ECHDC2: variants seen among roughly 807,000 people sequenced by gnomAD.
The protein encoded by ECHDC2 is enoyl-CoA hydratase domain containing 2.
ECHDC2 carries 34 observed loss-of-function variants against 40.6 expected under a neutral mutation model. That is an observed-to-expected ratio of 0.84 (90% CI 0.64 to 1.11). The LOEUF is 1.11. ECHDC2 is among the 50% of genes most tolerant of loss of function. The probability of loss-of-function intolerance (pLI) is 0.00; values close to 1 mark genes in which losing one functional copy is unlikely to be tolerated. For synonymous variants in ECHDC2, 162 were observed against 166.6 expected (o/e 0.97, Z 0.21); for missense variants, 392 against 400.7 (o/e 0.98, Z 0.19).
rs376597474 is a variant in ECHDC2, at chr1:52,911,672, T to A, written c.190-19A>T. 11 of 1,614,168 alleles carry A rather than the reference T, an allele frequency of 6.8e-6. No individual in the cohort carries two copies. The highest frequency in any genetic ancestry group is 9.3e-6 in the Non-Finnish European group (11 of 1,180,022). ...CCAGCAGCTACAGAGGACACCCAGT[T>A]AGATAGTGCCAGCCCATCCCCAGCC... On this transcript the variant is annotated intron_variant, in intron 2 of 9. Transcript: ENST00000371522.
intron 5 of ECHDC2, 60 bp from the exon 6 acceptor site, chr1:52,905,150 C>T (rs959015175): frequency 5.7e-6 from 9 of 1,575,264 alleles, no homozygotes; most frequent in African/African-American, 4.1e-5. Context: ...GTGCTAATCC[C>T]GGGGGCCACA....
At chr1:52,907,049 GGGATTACA>G (rs1301318241) in intron 4 of ECHDC2, 2 of 150,450 alleles carry the variant, frequency 1.3e-5, no homozygotes, top group Non-Finnish European at 2.9e-5. Context: ...CCAAACTGCT[GGGATTACA>G]GGAATGAGCC....
chr1:52,897,780 C>A, intron 8 of ECHDC2: 1 of 513,536 alleles, frequency 1.9e-6, no homozygotes. Context: ...CTGGCAATTG[C>A]TCCAGCCTCT....
intron 7 of ECHDC2, among the ~76,000 whole-genome samples, chr1:52,903,696 T>TAG (rs1488141972): frequency 6.6e-6 from 1 of 151,872 alleles, no homozygotes; most frequent in Non-Finnish European, 1.5e-5. Flanking sequence ...GCCCAGGAGT[T>TAG]TAAAACTGCA....
Position 52,896,244 on chromosome 1 carries a change from C to T in ECHDC2, c.*276G>A, listed in dbSNP as rs947739760. 6 of 418,154 alleles carry T rather than the reference C, an allele frequency of 1.4e-5. No individual in the cohort carries two copies. Among genetic ancestry groups the T allele is most frequent in the Non-Finnish European group, 2.2e-5 (5 of 223,506 alleles). The allele number at this position is 418,154 out of a possible 1,614,324, so 25.9% of individuals were successfully genotyped here. ...AGACTCAGAGAGATCTAATTTAATT[C>T]TTTATCATTCAAGTAGAGAGACAGG... On this transcript the variant is annotated 3_prime_UTR_variant, in exon 10 of 10. Transcript: ENST00000371522.
Position 52,911,626 on chromosome 1 carries a change from C to G in ECHDC2, c.217G>C (p.Glu73Gln), listed in dbSNP as rs1361303298. ...ELLETLAQLREDRQVRVLLFR... is the reference protein window; with the variant it reads ...ELLETLAQLRQDRQVRVLLFR... ...AGCAGGACACGCACTTGCCGGTCCTCCCGCAGCTGGGCCAGAGTTTCCAGC... is the reference window on the plus strand; with the variant it reads ...AGCAGGACACGCACTTGCCGGTCCTGCCGCAGCTGGGCCAGAGTTTCCAGC... Residue 73 changes from glutamate to glutamine, a missense_variant, in exon 3 of 10, where the codon GAG (glutamate) becomes CAG (glutamine). By Grantham distance (29) the Glu-to-Gln change is conservative. Coordinates refer to ENST00000371522, the MANE Select transcript of ECHDC2 (RefSeq NM_001198961.2). 2 of 1,614,092 alleles carry G rather than the reference C, an allele frequency of 1.2e-6. No individual in the cohort carries two copies. The highest frequency in any genetic ancestry group is 1.7e-6 in the Non-Finnish European group (2 of 1,180,038).
chr1:52,900,349 C>T (rs1571913841), intron 7 of ECHDC2: 1 of 152,208 alleles, frequency 6.6e-6, no homozygotes, highest in Non-Finnish European at 1.5e-5. Flanking sequence ...TGCTGGTGTG[C>T]CTTTATAAAA....
intron 1 of ECHDC2, among the ~76,000 whole-genome samples, chr1:52,918,696 G>GA (rs1468927883): frequency 1.3e-5 from 2 of 152,136 alleles, no homozygotes; most frequent in Non-Finnish European, 2.9e-5. Context: ...GTCAAAAGTT[G>GA]AAAAAATTAA....
chr1:52,899,090 C>A (rs1646820119), intron 8 of ECHDC2, 84 bp downstream of exon 8: 1 of 1,407,986 alleles, frequency 7.1e-7, no homozygotes, highest in Admixed American at 1.7e-5. Flanking sequence ...TTTTTCCCAG[C>A]TGTGCTGTCT....
chr1:52,917,108 A>C (rs182872495), intron 1 of ECHDC2, among the ~76,000 whole-genome samples: 7 of 152,052 alleles, frequency 4.6e-5, no homozygotes, highest in Non-Finnish European at 8.8e-5. Flanking sequence ...CTATAATCCC[A>C]GCTACTTGGG....
intron 1 of ECHDC2, among the ~76,000 whole-genome samples, chr1:52,915,930 C>T (rs1433789805): frequency 3.3e-5 from 5 of 152,176 alleles, no homozygotes; most frequent in Middle Eastern, 3.2e-3. Flanking sequence ...GGACTGCGGG[C>T]AACCTCTAAT....
In ECHDC2 at chr1:52,914,023, G is replaced by A. The variant is rs1463498522; in HGVS notation, c.122-2233C>T. On this transcript the variant is annotated intron_variant, in intron 1 of 9. Transcript: ENST00000371522. The surrounding 1 kb of genome is among the most constrained non-coding windows in gnomAD (Gnocchi z 4.0). ...TTGTACATTTATATATTTGCTGTGT[G>A]CTGGCCTCTACTAGACACCGTGATT... 8.2e-7 allele frequency: 1 copy of A among 1,226,358 alleles called. No homozygotes were observed. The allele number at this position is 1,226,358 out of a possible 1,614,324, so 76.0% of individuals were successfully genotyped here. A position where few individuals can be genotyped will look rare whatever the true frequency, so the allele number is the denominator to read the frequency against.
At chr1:52,917,966 CTTTTTA>C (rs1164155417) in intron 1 of ECHDC2, among the ~76,000 whole-genome samples, 1 of 152,090 alleles carries the variant, frequency 6.6e-6, no homozygotes, top group Non-Finnish European at 1.5e-5. Context: ...TATACTCCTA[CTTTTTA>C]TTTTTAATTT....
chr1:52,915,491 C>G (rs1199613189), intron 1 of ECHDC2, among the ~76,000 whole-genome samples: 1 of 152,196 alleles, frequency 6.6e-6, no homozygotes, highest in Non-Finnish European at 1.5e-5. Context: ...GCAAAGAGCT[C>G]TTAGAGCCCA....
intron 1 of ECHDC2, among the ~76,000 whole-genome samples, chr1:52,912,477 G>C (rs1217374191): frequency 6.6e-6 from 1 of 151,956 alleles, no homozygotes; most frequent in African/African-American, 2.4e-5. Context: ...CAAAGTGCTG[G>C]GATTACAGGT....
chr1:52,898,298 G>T (rs1646766064), intron 8 of ECHDC2: 1 of 152,360 alleles, frequency 6.6e-6, no homozygotes, highest in Non-Finnish European at 1.5e-5. Flanking sequence ...TCGGCTCACT[G>T]CAAACTCCGC....
Position 52,913,823 on chromosome 1 carries a change from T to A in ECHDC2, c.122-2033A>T, listed in dbSNP as rs149011854. 39 of 698,938 alleles carry A rather than the reference T, an allele frequency of 5.6e-5. No individual in the cohort carries two copies. In the East Asian group the frequency reaches 3.4e-3, roughly 62 times the overall value. The allele number at this position is 698,938 out of a possible 1,614,324, so 43.3% of individuals were successfully genotyped here. A position where few individuals can be genotyped will look rare whatever the true frequency, so the allele number is the denominator to read the frequency against. ...TTCGCTCTTGGTGGTGTACACTCTGTGGGTTTACACAGATGCATAATGACA... is the reference window on the plus strand; with the variant it reads ...TTCGCTCTTGGTGGTGTACACTCTGAGGGTTTACACAGATGCATAATGACA... On this transcript the variant is annotated intron_variant, in intron 1 of 9. Transcript: ENST00000371522.
At chr1:52,921,258 C>T in intron 1 of ECHDC2, 1 of 410,492 alleles carries the variant, frequency 2.4e-6, no homozygotes, top group Non-Finnish European at 3.9e-6. Flanking sequence ...CTGGGGGCCG[C>T]GGGGCCCAGT....
At position 52,908,929 on chromosome 1, in the gene ECHDC2, CAAAAAAA is replaced by C. The variant is rs34090739; in HGVS notation, c.278-982_278-976del. Among the ~76,000 whole-genome samples the C allele has an allele frequency of 6.2e-4, 27 of 43,866 alleles. No homozygotes were observed. In the South Asian group the frequency reaches 6.5e-3, roughly 11 times the overall value. 28.8% of individuals were successfully genotyped at this position (43,866 alleles called of 152,430 possible). A position where few individuals can be genotyped will look rare whatever the true frequency, so the allele number is the denominator to read the frequency against. ...CGCTCCATCCTGGGTGACAGAGTCT[CAAAAAAA>C]AAAAAAAAAAAAAAAAAAGGAAAAA... On this transcript the variant is annotated intron_variant, in intron 3 of 9. Coordinates refer to ENST00000371522, the MANE Select transcript of ECHDC2 (RefSeq NM_001198961.2).
Sources: allele counts gnomAD v4.1 joint callset (sites outside exome capture counted in the v4.1 genomes callset), GRCh38; gene constraint gnomAD v4.1.1; non-coding constraint Gnocchi (gnomAD v3.1); transcripts MANE v1.5; gene names NCBI Gene and HGNC (gene_info 2026-07-23, HGNC 2026-07-21).